SUGCT: variants seen among roughly 807,000 people sequenced by gnomAD.
SUGCT encodes the protein succinyl-CoA:glutarate-CoA transferase.
In SUGCT, 41 loss-of-function variants were observed where a neutral mutation model predicts 55.0. That is an observed-to-expected ratio of 0.74 (90% CI 0.58 to 0.97). The LOEUF is 0.97. Among genes scored for constraint, SUGCT ranks in the 50% least tolerant of loss-of-function variants. SUGCT has a pLI of 0.00. For missense variants in SUGCT, 568 were observed against 547.8 expected, an observed-to-expected ratio of 1.04 and a Z score of -0.37; for synonymous variants, 187 against 200.4, an observed-to-expected ratio of 0.93 and a Z score of 0.56.
chr7:40,278,237 C>T (rs931838505), intron 8 of SUGCT, among the ~76,000 whole-genome samples: 2 of 152,150 alleles, frequency 1.3e-5, no homozygotes. Context: ...TACCGTCTCA[C>T]ACCAATTAGA....
At chr7:40,438,814 G>C (rs1309065511) in intron 9 of SUGCT, among the ~76,000 whole-genome samples, 1 of 151,646 alleles carries the variant, frequency 6.6e-6, no homozygotes, top group Non-Finnish European at 1.5e-5. Context: ...TTCTGTTAGA[G>C]TGAGGCAACC....
intron 12 of SUGCT, among the ~76,000 whole-genome samples, chr7:40,631,855 T>G (rs1320836509): frequency 6.6e-6 from 1 of 152,198 alleles, no homozygotes; most frequent in African/African-American, 2.4e-5. Flanking sequence ...GCTCCTATCT[T>G]TTCTTCTAGG....
intron 12 of SUGCT, among the ~76,000 whole-genome samples, chr7:40,688,040 A>G (rs186076339): frequency 1.3e-4 from 20 of 152,312 alleles, no homozygotes; most frequent in Middle Eastern, 6.8e-3. Context: ...AACAGTTTTT[A>G]TTGAATATTC....
At chr7:40,732,132 C>T (rs1786920685) in intron 12 of SUGCT, among the ~76,000 whole-genome samples, 4 of 152,178 alleles carry the variant, frequency 2.6e-5, no homozygotes, top group Admixed American at 2.6e-4. Context: ...AAGGTGTTGG[C>T]AGCATTGCAC....
intron 9 of SUGCT, among the ~76,000 whole-genome samples, chr7:40,405,772 T>C (rs1216405027): frequency 7.2e-6 from 1 of 138,380 alleles, no homozygotes; most frequent in African/African-American, 2.7e-5. Context: ...ATAGCGCCAC[T>C]GTACTCTACC....
chr7:40,439,171 T>C (rs1788364046), intron 9 of SUGCT, among the ~76,000 whole-genome samples: 1 of 145,328 alleles, frequency 6.9e-6, no homozygotes. Context: ...TTTATGTACT[T>C]CACACTGTGG....
chr7:40,574,546 C>T (rs961770993), intron 12 of SUGCT, among the ~76,000 whole-genome samples: 2 of 152,104 alleles, frequency 1.3e-5, no homozygotes, highest in African/African-American at 4.8e-5. Context: ...ATTCTCTTGC[C>T]TCAGCCTCTC....
chr7:40,135,142 G>T, intron 1 of SUGCT, 22 bp downstream of exon 1: 1 of 1,536,054 alleles, frequency 6.5e-7, no homozygotes, highest in Non-Finnish European at 8.8e-7. Context: ...GATTCGGTCT[G>T]GGTGGCTAAA....
chr7:40,820,195 C>A (rs996141707), intron 13 of SUGCT, among the ~76,000 whole-genome samples: 1 of 152,114 alleles, frequency 6.6e-6, no homozygotes, highest in Admixed American at 6.5e-5. Flanking sequence ...AGTCAGGTAG[C>A]GTGATGCCTC....
At chr7:40,356,216 AAAC>A (rs1447134084) in intron 9 of SUGCT, among the ~76,000 whole-genome samples, 3 of 152,260 alleles carry the variant, frequency 2.0e-5, no homozygotes, top group Admixed American at 6.5e-5. Context: ...CTCGTGATTC[AAAC>A]AACATTAGTT....
chr7:40,658,173 C>T (rs1254120895), intron 12 of SUGCT, among the ~76,000 whole-genome samples: 1 of 152,124 alleles, frequency 6.6e-6, no homozygotes, highest in African/African-American at 2.4e-5. Flanking sequence ...GGCCTTCTGT[C>T]TGTTGGCATT....
chr7:40,259,546 A>G (rs913963129), intron 7 of SUGCT, among the ~76,000 whole-genome samples: 6 of 152,248 alleles, frequency 3.9e-5, no homozygotes, highest in Non-Finnish European at 8.8e-5. Context: ...ATATGTTTCA[A>G]AATATGTTGT....
At chr7:40,926,722 A>G in the SUGCT span, among the ~76,000 whole-genome samples, 1 of 152,194 alleles carries the variant, frequency 6.6e-6, no homozygotes, top group Non-Finnish European at 1.5e-5. Context: ...CCAGGAAGGG[A>G]ACCCTGACCA....
intron 8 of SUGCT, among the ~76,000 whole-genome samples, chr7:40,299,787 A>G (rs1295797244): frequency 6.6e-6 from 1 of 152,158 alleles, no homozygotes; most frequent in Non-Finnish European, 1.5e-5. Context: ...ATGTCTAATC[A>G]ATGGCTTCAC....
intron 9 of SUGCT, among the ~76,000 whole-genome samples, chr7:40,374,010 T>G (rs1784426367): frequency 6.6e-6 from 1 of 152,200 alleles, no homozygotes; most frequent in South Asian, 2.1e-4. Context: ...TGTTGTTGTT[T>G]TGTTTGGCTG....
intron 13 of SUGCT, among the ~76,000 whole-genome samples, chr7:40,816,995 T>C (rs1791704340): frequency 1.3e-5 from 2 of 152,182 alleles, no homozygotes; most frequent in South Asian, 4.1e-4. Flanking sequence ...GTTAAAAGTG[T>C]TTGTCTGTAG....
the SUGCT span, among the ~76,000 whole-genome samples, chr7:40,987,022 A>C: frequency 6.6e-6 from 1 of 152,114 alleles, no homozygotes; most frequent in Non-Finnish European, 1.5e-5. Flanking sequence ...CTATTGAAAA[A>C]CTCATACAAA....
chr7:40,513,904 C>T (rs1793086167), intron 12 of SUGCT, among the ~76,000 whole-genome samples: 1 of 151,116 alleles, frequency 6.6e-6, no homozygotes, highest in East Asian at 2.0e-4. Flanking sequence ...ATTCTCCTGC[C>T]TCAGCCTCCT....
chr7:40,421,442 C>G (rs1181753962), intron 9 of SUGCT, among the ~76,000 whole-genome samples: 1 of 152,142 alleles, frequency 6.6e-6, no homozygotes, highest in African/African-American at 2.4e-5. Context: ...CTCCTGGATA[C>G]TTTATCATAA....
Sources: allele counts gnomAD v4.1 joint callset (sites outside exome capture counted in the v4.1 genomes callset), GRCh38; gene constraint gnomAD v4.1.1; transcripts MANE v1.5; gene names NCBI Gene and HGNC (gene_info 2026-07-23, HGNC 2026-07-21).